KIRREL1: variants seen among roughly 807,000 people sequenced by gnomAD.
The protein encoded by KIRREL1 is kirre like nephrin family adhesion molecule 1.
Under a neutral mutation model 83.3 loss-of-function variants are expected in KIRREL1, and 25 were observed. The ratio of observed to expected loss-of-function variants is 0.30; its 90% CI spans 0.22 to 0.42. The LOEUF (loss-of-function observed/expected upper bound fraction) is 0.42, where lower values mean the gene tolerates loss of function less well. Ranked by LOEUF, KIRREL1 falls within the 10% of genes least tolerant of loss-of-function variation. The pLI is 1.00. For synonymous variants in KIRREL1, 388 were observed against 410.4 expected (o/e 0.95, Z 0.66); for missense variants, 812 against 1,032.3 (o/e 0.79, Z 2.92).
intron 1 of KIRREL1, among the ~76,000 whole-genome samples, chr1:158,034,002 G>A (rs1487439668): frequency 6.6e-6 from 1 of 151,690 alleles, no homozygotes; most frequent in African/African-American, 2.4e-5. Context: ...GGCTGGGCGC[G>A]GTGGCTCACG....
chr1:158,076,365 CCCT>C, intron 2 of KIRREL1, 103 bp downstream of exon 2: 1 of 1,043,168 alleles, frequency 9.6e-7, no homozygotes. Flanking sequence ...TCCCTCACCA[CCCT>C]CCTCTGTGCC....
At chr1:158,032,317 T>C (rs2101673032) in intron 1 of KIRREL1, among the ~76,000 whole-genome samples, 1 of 152,088 alleles carries the variant, frequency 6.6e-6, no homozygotes, top group Admixed American at 6.5e-5. Context: ...AAGCAGGAAG[T>C]TCAGGCTTGG....
At chr1:158,052,878 A>G (rs1196970616) in intron 1 of KIRREL1, among the ~76,000 whole-genome samples, 1 of 152,160 alleles carries the variant, frequency 6.6e-6, no homozygotes, top group Middle Eastern at 3.2e-3. Context: ...GCTTTTACTC[A>G]TGGCAGAAGG....
chr1:158,044,455 T>C (rs1242242247), intron 1 of KIRREL1, among the ~76,000 whole-genome samples: 1 of 152,224 alleles, frequency 6.6e-6, no homozygotes, highest in Non-Finnish European at 1.5e-5. Flanking sequence ...GATTTATTTA[T>C]TTATTCAATG....
At chr1:158,010,632 A>G (rs571652845) in intron 1 of KIRREL1, among the ~76,000 whole-genome samples, 3 of 152,230 alleles carry the variant, frequency 2.0e-5, no homozygotes, top group Admixed American at 6.5e-5. Flanking sequence ...TGGGAACATA[A>G]ACATTCGGCA....
chr1:158,085,628 C>A (rs992013913), intron 4 of KIRREL1, among the ~76,000 whole-genome samples: 2 of 152,296 alleles, frequency 1.3e-5, no homozygotes, highest in Middle Eastern at 3.4e-3. Flanking sequence ...CAAAGCAGCA[C>A]AAGGGAGCCA....
At chr1:158,087,066 T>C (rs1662038487) in intron 5 of KIRREL1, among the ~76,000 whole-genome samples, 1 of 152,178 alleles carries the variant, frequency 6.6e-6, no homozygotes, top group Admixed American at 6.5e-5. Flanking sequence ...CAGTCCCTTA[T>C]TCAAACTAAA....
chr1:158,023,521 A>T (rs1455875293), intron 1 of KIRREL1, among the ~76,000 whole-genome samples: 1 of 152,322 alleles, frequency 6.6e-6, no homozygotes, highest in South Asian at 2.1e-4. Context: ...CATAAGAGGC[A>T]TAATTACAGG....
At chr1:158,041,649 T>C (rs1337873887) in intron 1 of KIRREL1, among the ~76,000 whole-genome samples, 1 of 152,194 alleles carries the variant, frequency 6.6e-6, no homozygotes, top group Non-Finnish European at 1.5e-5. Context: ...CCACCCTCGC[T>C]TGGGCTTTCC....
chr1:158,072,610 C>T (rs914807711), intron 1 of KIRREL1, among the ~76,000 whole-genome samples: 1 of 151,948 alleles, frequency 6.6e-6, no homozygotes, highest in African/African-American at 2.4e-5. Flanking sequence ...AGTGTCCACC[C>T]CAGGGAAAGG....
At chr1:158,040,111 T>G (rs558854791) in intron 1 of KIRREL1, among the ~76,000 whole-genome samples, 17 of 152,372 alleles carry the variant, frequency 1.1e-4, no homozygotes, top group South Asian at 1.0e-3. Context: ...TTATTGCTCA[T>G]GTCTAGGGGC....
rs537957887 is a variant in KIRREL1 at position 158,046,907 on chromosome 1, G to T, written c.53-29206G>T. Among the ~76,000 whole-genome samples the T allele has an allele frequency of 3.3e-5, 5 of 152,262 alleles. No individual in the cohort carries two copies. The Middle Eastern group carries it at 0.01, about 311-fold the overall frequency. On this transcript the variant is annotated intron_variant, in intron 1 of 14. Transcript: ENST00000359209. ...ATAAAGGAGAGCAGAGCATGGAGGGGGTTGCTGGGCACAGGGTCAACAGAG... is the reference window on the plus strand; with the variant it reads ...ATAAAGGAGAGCAGAGCATGGAGGGTGTTGCTGGGCACAGGGTCAACAGAG...
chr1:158,016,957 G>T (rs1278717818), intron 1 of KIRREL1, among the ~76,000 whole-genome samples: 4 of 152,184 alleles, frequency 2.6e-5, no homozygotes, highest in East Asian at 3.8e-4. Flanking sequence ...TCTCTTATTT[G>T]CTCATTTCCA....
At chr1:158,014,297 T>G (rs764160056) in intron 1 of KIRREL1, among the ~76,000 whole-genome samples, 1 of 151,726 alleles carries the variant, frequency 6.6e-6, no homozygotes, top group Admixed American at 6.6e-5. Context: ...AAGCCTGGAG[T>G]TGTTGCCATG....
intron 1 of KIRREL1, among the ~76,000 whole-genome samples, chr1:158,015,968 T>C (rs761933762): frequency 4.1e-4 from 62 of 152,182 alleles, no homozygotes; most frequent in Admixed American, 6.5e-4. Context: ...AGTAAACTAA[T>C]TGAGTTAAGA....
Position 158,093,501 on chromosome 1 carries a change from G to A in KIRREL1, c.1579+55G>A, listed in dbSNP as rs1662261118. 6.9e-6 allele frequency: 11 copies of A among 1,605,760 alleles called. No individual in the cohort carries two copies. The Middle Eastern group carries it at 6.6e-4, about 96-fold the overall frequency. On this transcript the variant is annotated intron_variant, in intron 12 of 14. Transcript: ENST00000359209. ...CTTCCCCTGGCTCTTCCAGGGCCAT[G>A]ACAGGCAGTGCTTGGGGTGGATGGG... is the stretch of plus-strand genomic sequence containing the variant.
At chr1:158,031,916 T>C (rs1261662277) in intron 1 of KIRREL1, among the ~76,000 whole-genome samples, 2 of 151,876 alleles carry the variant, frequency 1.3e-5, no homozygotes, top group Non-Finnish European at 2.9e-5. Context: ...AGAAACCATT[T>C]CTACAAAAGA....
chr1:158,081,991 C>A (rs1038487232), intron 3 of KIRREL1, among the ~76,000 whole-genome samples: 5 of 152,142 alleles, frequency 3.3e-5, no homozygotes, highest in Non-Finnish European at 7.4e-5. Flanking sequence ...TTAGAGGGGC[C>A]TGAGCAGACC....
At chr1:158,063,653 G>A (rs1412517013) in intron 1 of KIRREL1, among the ~76,000 whole-genome samples, 2 of 152,212 alleles carry the variant, frequency 1.3e-5, no homozygotes, top group African/African-American at 4.8e-5. Context: ...AGGCTGAACT[G>A]TTTCTAGGAT....
Sources: allele counts gnomAD v4.1 joint callset (sites outside exome capture counted in the v4.1 genomes callset), GRCh38; gene constraint gnomAD v4.1.1; transcripts MANE v1.5; gene names NCBI Gene and HGNC (gene_info 2026-07-23, HGNC 2026-07-21).